The following MDC1 variants were observed in gnomAD, a reference collection of about 807,000 sequenced individuals.
MDC1 encodes mediator of DNA damage checkpoint protein 1.
In MDC1, 81 loss-of-function variants were observed where a neutral mutation model predicts 142.5. That is an observed-to-expected ratio of 0.57 (90% confidence interval 0.47 to 0.68). MDC1 has a LOEUF of 0.68. Ranked by LOEUF, MDC1 falls within the 30% of genes least tolerant of loss-of-function variation. The pLI, the probability that MDC1 is intolerant of heterozygous loss-of-function variation, is 0.00. For missense variants in MDC1, 2,119 were observed against 2,547.9 expected (o/e 0.83, Z 3.62); for synonymous variants, 797 against 968.4 (o/e 0.82, Z 3.29).
At position 30,708,206 on chromosome 6, in the gene MDC1, T is replaced by C; in HGVS notation, c.2373A>G (p.Pro791=). The change falls in exon 8 of 15, where the codon CCA becomes CCG. Residue 791 remains proline, a synonymous_variant. Transcript: ENST00000376406. ...PPRAIPGDQH[P]ESPVHTEPMG... Reference sequence around the variant, plus strand: ...TTGGCTCTGTGTGAACTGGGCTCTCTGGATGTTGGTCTCCTGGTATTGCCC... The same window carrying C: ...TTGGCTCTGTGTGAACTGGGCTCTCCGGATGTTGGTCTCCTGGTATTGCCC... 6.2e-7 allele frequency: 1 copy of C among 1,613,152 alleles called. No homozygotes were observed. Among genetic ancestry groups the C allele is most frequent in the Non-Finnish European group, 8.5e-7 (1 of 1,180,028 alleles).
At chr6:30,711,559 A>G (rs1774901886) in intron 6 of MDC1, 55 bp from the exon 7 acceptor site, 1 of 1,602,856 alleles carries the variant, frequency 6.2e-7, no homozygotes, top group Non-Finnish European at 8.5e-7. Context: ...GTAGGGTTCC[A>G]TTCCTGGTCT....
chr6:30,714,173 T>C lies in MDC1; in HGVS notation c.147A>G (p.Leu49=), dbSNP rs746581319. 5.0e-6 allele frequency: 8 copies of C among 1,607,212 alleles called. No individual in the cohort carries two copies. The highest frequency in any genetic ancestry group is 6.8e-6 in the Non-Finnish European group (8 of 1,179,252). The part of the protein sequence containing the change: ...GAHGPEKDFP[L]HLGKNVVGRM... ...GGCCTACCACATTCTTCCCGAGGTG[T>C]AGTGGGAAATCTAAGAATTAGAGAG... The change falls in exon 3 of 15, where the codon CTA becomes CTG. Residue 49 remains leucine (L), a synonymous_variant. Coordinates refer to ENST00000376406, the MANE Select transcript of MDC1 (RefSeq NM_014641.3).
At position 30,715,514 on chromosome 6, in the gene MDC1, T is replaced by C. The variant is rs1775537109; in HGVS notation, c.-3-336A>G. Among the ~76,000 whole-genome samples the C allele has an allele frequency of 6.6e-6, 1 of 152,178 alleles. No homozygotes were observed. The highest frequency in any genetic ancestry group is 2.4e-5 in the African/African-American group (1 of 41,450). ...CCACCATGCCTGGCTAATTTTTGTA[T>C]TTTTAGAAGAGATGGGGTTTTGCCA... On this transcript the variant is annotated intron_variant, in intron 1 of 14. Coordinates refer to ENST00000376406, the MANE Select transcript of MDC1 (RefSeq NM_014641.3). The surrounding 1 kb of genome is among the most constrained non-coding windows in gnomAD (Gnocchi z 4.1).
In MDC1 at chr6:30,705,715, C is replaced by A; in HGVS notation, c.3468G>T (p.Lys1156Asn). 2.5e-6 allele frequency: 4 copies of A among 1,613,280 alleles called. No individual in the cohort carries two copies. The highest frequency in any genetic ancestry group is 3.4e-6 in the Non-Finnish European group (4 of 1,179,590). Residue 1156 changes from lysine to asparagine, a missense_variant, in exon 10 of 15, where the codon AAG (lysine) becomes AAT (asparagine). Coordinates refer to ENST00000376406, the MANE Select transcript of MDC1 (RefSeq NM_014641.3). ...TRSRTNRSSV[K>N]TPEPVVPTAP... ...CTGTGGGGACAACTGGTTCAGGGGT[C>A]TTGACAGAGGACCTATTTGTCCTGC... is the stretch of plus-strand genomic sequence containing the variant.
chr6:30,707,543 G>A (rs1314996382), intron 8 of MDC1, 23 bp downstream of exon 8: 1 of 1,612,782 alleles, frequency 6.2e-7, no homozygotes, highest in East Asian at 2.2e-5. Context: ...TATCACCTTG[G>A]GTTCCCCTCT....
intron 14 of MDC1, among the ~76,000 whole-genome samples, chr6:30,702,256 C>CAAAAA (rs57764077): frequency 3.9e-4 from 23 of 59,106 alleles, no homozygotes; most frequent in South Asian, 6.2e-4. Flanking sequence ...GACTCCATCT[C>CAAAAA]AAAAAAAAAA....
rs916663412 is a variant in MDC1, at chr6:30,716,828, C to T, written c.-4+417G>A. On this transcript the variant is annotated intron_variant, in intron 1 of 14. Transcript: ENST00000376406. This position sits in a 1 kb window ranked among gnomAD's most constrained non-coding sequence, Gnocchi z 4.4. ...CCCTCGGGAAGGCTCATCACCGAGC[C>T]TACTGATGAAGGAACAAATGAGATG... 132 of 855,202 alleles carry T rather than the reference C, an allele frequency of 1.5e-4. No individual in the cohort carries two copies. The highest frequency in any genetic ancestry group is 1.8e-4 in the Non-Finnish European group (125 of 711,134). The allele number at this position is 855,202 out of a possible 1,614,324, so 53.0% of individuals were successfully genotyped here.
In MDC1 at chr6:30,713,459, T is replaced by G; in HGVS notation, c.588-105A>C. 1.5e-6 allele frequency: 2 copies of G among 1,355,940 alleles called. No homozygotes were observed. Among genetic ancestry groups the G allele is most frequent in the African/African-American group, 1.5e-5 (1 of 68,500 alleles). 84.0% of individuals were successfully genotyped at this position (1,355,940 alleles called of 1,614,324 possible). ...GGGAGACACAAGGTAGCATATTTCT[T>G]CTTCTGTTTCCAATTTGTTTTCCAC... On this transcript the variant is annotated intron_variant, in intron 4 of 14. Coordinates refer to ENST00000376406, the MANE Select transcript of MDC1 (RefSeq NM_014641.3). This position sits in a 1 kb window ranked among gnomAD's most constrained non-coding sequence, Gnocchi z 4.9.
chr6:30,716,056 T>C lies in MDC1; in HGVS notation c.-3-878A>G, dbSNP rs145169002. Among the ~76,000 whole-genome samples the C allele has an allele frequency of 8.6e-3, 1,316 of 152,188 alleles. 20 individuals are homozygous for C. The highest frequency in any genetic ancestry group is 0.03 in the African/African-American group (1,248 of 41,496). On this transcript the variant is annotated intron_variant, in intron 1 of 14. Transcript: ENST00000376406. This position sits in a 1 kb window ranked among gnomAD's most constrained non-coding sequence, Gnocchi z 4.4. The stretch of plus-strand genomic sequence containing the variant: ...CTTCACATCTTGTAACGCCTACCCC[T>C]CGCCCGCAAAAGCCTATGGTTCAGC...
chr6:30,713,195 T>G lies in MDC1; in HGVS notation c.747A>C (p.Glu249Asp). The G allele has an allele frequency of 1.2e-6, 2 of 1,613,128 alleles. No homozygotes were observed. The highest frequency in any genetic ancestry group is 1.7e-6 in the Non-Finnish European group (2 of 1,180,030). ...GCTGGATTTCAGTTACAACTTCAGC[T>G]TCAGACTGCTTTGCCTCTACAGTGG... ...RGATVEAKQS[E>D]AEVVTEIQLE... The change falls in exon 5 of 15, where the codon GAA (glutamate) becomes GAC (aspartate). Residue 249 changes from glutamate to aspartate, a missense_variant. Transcript: ENST00000376406. The surrounding 1 kb of genome is among the most constrained non-coding windows in gnomAD (Gnocchi z 4.9).
chr6:30,707,516 T>C (rs1774084479), intron 8 of MDC1, 50 bp downstream of exon 8: 1 of 1,612,906 alleles, frequency 6.2e-7, no homozygotes, highest in African/African-American at 1.3e-5. Flanking sequence ...CAGGGGTTGA[T>C]TATCACGAGG....
At position 30,713,107 on chromosome 6, in the gene MDC1, C is replaced by T. The variant is rs1775164528; in HGVS notation, c.835G>A (p.Gly279Arg). 3 of 1,613,134 alleles carry T rather than the reference C, an allele frequency of 1.9e-6. No homozygotes were observed. Among genetic ancestry groups the T allele is most frequent in the Non-Finnish European group, 2.5e-6 (3 of 1,179,996 alleles). ...ACCCCAGCTGGAACCACCCCATTCCCTGCACCCCTCTTGACTTTTGTATCA... is the reference window on the plus strand; with the variant it reads ...ACCCCAGCTGGAACCACCCCATTCCTTGCACCCCTCTTGACTTTTGTATCA... ...DNDTKVKRGA[G>R]NGVVPAGVIL... Residue 279 changes from glycine (G) to arginine (R), a missense_variant, in exon 5 of 15, where the codon GGG becomes AGG. Transcript: ENST00000376406. This position sits in a 1 kb window ranked among gnomAD's most constrained non-coding sequence, Gnocchi z 4.9.
Position 30,712,159 on chromosome 6 carries a change from C to T in MDC1, c.1783G>A (p.Val595Ile). 1 of 1,612,688 alleles carries T rather than the reference C, an allele frequency of 6.2e-7. No homozygotes were observed. ...TCTGCTGGAAGCTGGCTCTTTCTTA[C>T]ATCTGCAACTACTGAGGCTGTTAGG... is the stretch of plus-strand genomic sequence containing the variant. Reference protein sequence around the residue: ...TSLTASVVADVRKSQLPAEGD... With the variant: ...TSLTASVVADIRKSQLPAEGD... The change falls in exon 5 of 15, where the codon GTA becomes ATA. Residue 595 changes from valine (V) to isoleucine (I), a missense_variant. By Grantham distance (29) the Val-to-Ile change is conservative. Coordinates refer to ENST00000376406, the MANE Select transcript of MDC1 (RefSeq NM_014641.3). This position sits in a 1 kb window ranked among gnomAD's most constrained non-coding sequence, Gnocchi z 4.7.
Position 30,711,744 on chromosome 6 carries a change from T to C in MDC1, c.2069-18A>G, listed in dbSNP as rs1162302046. 6.2e-7 allele frequency: 1 copy of C among 1,606,394 alleles called. No homozygotes were observed. Among genetic ancestry groups the C allele is most frequent in the Non-Finnish European group, 8.5e-7 (1 of 1,176,780 alleles). On this transcript the variant is annotated intron_variant, in intron 5 of 14. Coordinates refer to ENST00000376406, the MANE Select transcript of MDC1 (RefSeq NM_014641.3). ...TTCAGAATCTGGTCGGGGAGGAATA[T>C]AAGACAGTTTAAAACAAAAATCATA...
chr6:30,716,268 G>A lies in MDC1; in HGVS notation c.-4+977C>T, dbSNP rs1398882353. On this transcript the variant is annotated intron_variant, in intron 1 of 14. Coordinates refer to ENST00000376406, the MANE Select transcript of MDC1 (RefSeq NM_014641.3). This position sits in a 1 kb window ranked among gnomAD's most constrained non-coding sequence, Gnocchi z 4.4. ...AGATGGAATCTCGCTCTGTCGTCCAGGCTGGACTGCAGTGGTGCTATCTTG... is the reference window on the plus strand; with the variant it reads ...AGATGGAATCTCGCTCTGTCGTCCAAGCTGGACTGCAGTGGTGCTATCTTG... Among the ~76,000 whole-genome samples, 1 of 150,746 alleles carries A rather than the reference G, an allele frequency of 6.6e-6. No homozygotes were observed. The highest frequency in any genetic ancestry group is 2.4e-5 in the African/African-American group (1 of 40,832).
chr6:30,700,539 G>A lies in MDC1; in HGVS notation c.6196C>T (p.Leu2066=). 6.2e-7 allele frequency: 1 copy of A among 1,613,002 alleles called. No individual in the cohort carries two copies. Among genetic ancestry groups the A allele is most frequent in the Non-Finnish European group, 8.5e-7 (1 of 1,180,008 alleles). ...GCTTCCTGCTTCAGCACTCCAGTCA[G>A]CAGGAACTCAGGCGAGAGGAGGGGC... ...GLPLLSPEFL[L]TGVLKQEAKP... The change falls in exon 15 of 15, where the codon CTG becomes TTG. Residue 2066 remains leucine, a synonymous_variant. Coordinates refer to ENST00000376406, the MANE Select transcript of MDC1 (RefSeq NM_014641.3).
Position 30,713,500 on chromosome 6 carries a change from T to C in MDC1, c.588-146A>G. 1.6e-6 allele frequency: 2 copies of C among 1,244,188 alleles called. No individual in the cohort carries two copies. The highest frequency in any genetic ancestry group is 2.2e-6 in the Non-Finnish European group (2 of 911,364). 77.1% of individuals were successfully genotyped at this position (1,244,188 alleles called of 1,614,324 possible). ...TGTTTTCCACTTGGCACATCAGATG[T>C]GCTCCATAAAAATTCAGCTGAGTGA... On this transcript the variant is annotated intron_variant, in intron 4 of 14. Coordinates refer to ENST00000376406, the MANE Select transcript of MDC1 (RefSeq NM_014641.3). This position sits in a 1 kb window ranked among gnomAD's most constrained non-coding sequence, Gnocchi z 4.9.
Position 30,713,865 on chromosome 6 carries a change from C to T in MDC1, c.455G>A (p.Arg152Lys), listed in dbSNP as rs754211812. Residue 152 changes from arginine to lysine, a missense_variant, in exon 3 of 15, where the codon AGA becomes AAA. Coordinates refer to ENST00000376406, the MANE Select transcript of MDC1 (RefSeq NM_014641.3). The surrounding 1 kb of genome is among the most constrained non-coding windows in gnomAD (Gnocchi z 4.9). ...RGPLTVEETP[R>K]VQGETQPQRL... Reference sequence around the variant, plus strand: ...CTGGGGTTGAGTTTCTCCCTGTACTCTGGGTGTCTCTTCTACTGTCAGAGG... The same window carrying T: ...CTGGGGTTGAGTTTCTCCCTGTACTTTGGGTGTCTCTTCTACTGTCAGAGG... The T allele has an allele frequency of 1.9e-6, 3 of 1,614,036 alleles. No homozygotes were observed. Among genetic ancestry groups the T allele is most frequent in the African/African-American group, 2.7e-5 (2 of 74,930 alleles).
rs566049261 is a variant in MDC1, at chr6:30,701,587, GGCATAAAAAAA to G, written c.6102+955_6103-956del. ...GACCCAGCTTCTGCAGGAAATAGAT[GGCATAAAAAAA>G]GCTGGGTGGGTTAAGGGATGCTCTA... On this transcript the variant is annotated intron_variant, in intron 14 of 14. Transcript: ENST00000376406. Among the ~76,000 whole-genome samples the G allele has an allele frequency of 6.7e-3, 1,026 of 152,138 alleles. 9 individuals carry two copies. The highest frequency in any genetic ancestry group is 9.7e-3 in the Admixed American group (148 of 15,274).
Sources: gnomAD v4.1 joint callset for allele counts (sites outside exome capture counted in the v4.1 genomes callset) on GRCh38, gnomAD v4.1.1 for gene constraint, Gnocchi (gnomAD v3.1) non-coding constraint, MANE v1.5 for transcripts, NCBI Gene and HGNC (gene_info 2026-07-23, HGNC 2026-07-21) for gene names.